Variants in RNF6 observed in about 807,000 individuals in gnomAD.
RNF6 encodes the protein ring finger protein 6, also known as E3 ubiquitin-protein ligase RNF6.
A neutral mutation model predicts 50.1 loss-of-function variants in RNF6; 21 were observed. That is an observed-to-expected ratio of 0.42 (90% CI 0.30 to 0.60). RNF6 has a LOEUF of 0.60. RNF6 is among the 20% of genes least tolerant of loss of function. RNF6 has a pLI of 0.20. For missense variants in RNF6, 698 were observed against 838.2 expected (o/e 0.83, Z 2.07); for synonymous variants, 255 against 291.8 (o/e 0.87, Z 1.29).
chr13:26,179,820 G>A (rs1449097101), intron 5 of RNF6, among the ~76,000 whole-genome samples: 2 of 152,194 alleles, frequency 1.3e-5, no homozygotes, highest in African/African-American at 4.8e-5. Context: ...CAACATCATT[G>A]AACTTTCACC....
intron 5 of RNF6, among the ~76,000 whole-genome samples, chr13:26,151,147 G>GTCATA (rs563353423): frequency 1.3e-5 from 2 of 152,168 alleles, no homozygotes; most frequent in Non-Finnish European, 2.9e-5. Flanking sequence ...CAACACCTCA[G>GTCATA]TCATACGTTG....
rs1365609587 is a variant in RNF6, at chr13:26,219,308, TTA to T, written c.193+147_193+148del. 4.7e-6 allele frequency: 3 copies of T among 637,014 alleles called. No individual in the cohort carries two copies. The African/African-American group carries it at 5.5e-5, about 12-fold the overall frequency. 39.5% of individuals were successfully genotyped at this position (637,014 alleles called of 1,614,324 possible). A position where few individuals can be genotyped will look rare whatever the true frequency, so the allele number is the denominator to read the frequency against. ...CAGAAGCCAGTGATTTTCTACTTTATTATACTAAAAAGTTCTTAAACTCACAA... is the reference window on the plus strand; with the variant it reads ...CAGAAGCCAGTGATTTTCTACTTTATTACTAAAAAGTTCTTAAACTCACAA... On this transcript the variant is annotated intron_variant, in intron 3 of 4. Transcript: ENST00000381588.
chr13:26,139,533 C>T (rs1423529872), intron 5 of RNF6, among the ~76,000 whole-genome samples: 3 of 152,104 alleles, frequency 2.0e-5, no homozygotes, highest in East Asian at 1.9e-4. Flanking sequence ...TAAAATCCCA[C>T]GGATACAAAT....
chr13:26,196,582 G>A (rs1423169246), intron 5 of RNF6, among the ~76,000 whole-genome samples: 2 of 150,294 alleles, frequency 1.3e-5, no homozygotes, highest in Admixed American at 6.6e-5. Flanking sequence ...GCCGTGAGCA[G>A]AGACCGTGCC....
intron 5 of RNF6, among the ~76,000 whole-genome samples, chr13:26,172,065 T>G (rs1482301140): frequency 6.6e-6 from 1 of 152,224 alleles, no homozygotes; most frequent in Non-Finnish European, 1.5e-5. Flanking sequence ...ATGGGAAATT[T>G]TATGTAATGT....
At chr13:26,203,755 A>G (rs1249733415) in intron 5 of RNF6, among the ~76,000 whole-genome samples, 1 of 152,100 alleles carries the variant, frequency 6.6e-6, no homozygotes, top group Non-Finnish European at 1.5e-5. Flanking sequence ...AGCTCAGGAG[A>G]TCGAGACCAT....
At chr13:26,211,770 A>C (rs1473936363), downstream of RNF6, among the ~76,000 whole-genome samples, 1 of 152,146 alleles carries the variant, frequency 6.6e-6, no homozygotes, top group Non-Finnish European at 1.5e-5. Flanking sequence ...TAAAAATAAA[A>C]ATAAAAATAA....
chr13:26,184,633 GAACA>G (rs1183482948), intron 5 of RNF6, among the ~76,000 whole-genome samples: 1 of 152,112 alleles, frequency 6.6e-6, no homozygotes, highest in Non-Finnish European at 1.5e-5. Context: ...TTACAGAGAC[GAACA>G]TTCAGTTTTG....
intron 5 of RNF6, among the ~76,000 whole-genome samples, chr13:26,168,240 T>G (rs572454271): frequency 3.5e-4 from 54 of 152,300 alleles, no homozygotes; most frequent in African/African-American, 1.1e-3. Context: ...TCCCTCATAT[T>G]TATAGGTGTT....
intron 5 of RNF6, among the ~76,000 whole-genome samples, chr13:26,177,061 C>G (rs513289): frequency 6.6e-6 from 1 of 151,994 alleles, no homozygotes; most frequent in African/African-American, 2.4e-5. Context: ...AAGGAAAGAT[C>G]GGCGGGGACC....
chr13:26,146,887 A>G (rs1469918334), intron 5 of RNF6, among the ~76,000 whole-genome samples: 1 of 152,172 alleles, frequency 6.6e-6, no homozygotes, highest in Non-Finnish European at 1.5e-5. Flanking sequence ...GGGGGCAGAC[A>G]TCCCCCTTGC....
intron 5 of RNF6, among the ~76,000 whole-genome samples, chr13:26,152,136 C>T (rs1871641972): frequency 6.6e-6 from 1 of 152,200 alleles, no homozygotes; most frequent in East Asian, 1.9e-4. Context: ...TTCTGGAACA[C>T]TTCATATACT....
intron 5 of RNF6, among the ~76,000 whole-genome samples, chr13:26,184,891 T>C (rs1873444159): frequency 6.6e-6 from 1 of 152,198 alleles, no homozygotes; most frequent in East Asian, 1.9e-4. Flanking sequence ...CCTCCACCAG[T>C]AGAGGGCAGC....
chr13:26,186,014 T>C (rs754615923), intron 5 of RNF6, among the ~76,000 whole-genome samples: 4 of 152,162 alleles, frequency 2.6e-5, no homozygotes, highest in Non-Finnish European at 4.4e-5. Flanking sequence ...ACTTGCAGTC[T>C]ACATAAACAT....
At chr13:26,189,327 C>CA (rs35981749) in intron 5 of RNF6, among the ~76,000 whole-genome samples, 74,823 of 150,520 alleles carry the variant, frequency 0.5, 21,073 homozygotes, top group East Asian at 0.7. Flanking sequence ...GACTCCATCT[C>CA]AAAAAAAACG....
chr13:26,152,661 A>G (rs918139311), intron 5 of RNF6, among the ~76,000 whole-genome samples: 12 of 152,182 alleles, frequency 7.9e-5, no homozygotes, highest in African/African-American at 2.4e-4. Context: ...TCAATTCAAC[A>G]AGTTTATCAA....
chr13:26,183,079 C>G (rs552946926), intron 5 of RNF6, among the ~76,000 whole-genome samples: 1 of 152,182 alleles, frequency 6.6e-6, no homozygotes, highest in African/African-American at 2.4e-5. Context: ...CCCAGTTTAG[C>G]CTCTGCTGAA....
At chr13:26,184,429 G>A (rs1873419385) in intron 5 of RNF6, among the ~76,000 whole-genome samples, 1 of 146,396 alleles carries the variant, frequency 6.8e-6, no homozygotes, top group Admixed American at 6.6e-5. Context: ...AAAAAGACAT[G>A]TTGTTGTATA....
chr13:26,195,241 TACTA>T (rs1357000073), intron 5 of RNF6, among the ~76,000 whole-genome samples: 3 of 140,608 alleles, frequency 2.1e-5, no homozygotes, highest in African/African-American at 2.7e-5. Flanking sequence ...AGATCAAAAA[TACTA>T]ACACAAATCA....
Sources: allele counts gnomAD v4.1 joint callset (sites outside exome capture counted in the v4.1 genomes callset), GRCh38; gene constraint gnomAD v4.1.1; transcripts MANE v1.5; gene names NCBI Gene and HGNC (gene_info 2026-07-23, HGNC 2026-07-21).